Variants in NCBP3 observed in about 807,000 individuals in gnomAD.
NCBP3 encodes nuclear cap binding subunit 3.
NCBP3 carries 20 observed loss-of-function variants against 75.7 expected under a neutral mutation model. The ratio of observed to expected loss-of-function variants is 0.26; its 90% CI spans 0.19 to 0.38. The LOEUF is 0.38. NCBP3 is among the 10% of genes least tolerant of loss of function. NCBP3 has a pLI of 1.00. For missense variants in NCBP3, 678 were observed against 796.9 expected (o/e 0.85, Z 1.80); for synonymous variants, 293 against 290.5 (o/e 1.01, Z -0.09).
chr17:3,827,125 AAAAG>A (rs1042592856), intron 4 of NCBP3, among the ~76,000 whole-genome samples: 3 of 151,010 alleles, frequency 2.0e-5, no homozygotes, highest in Non-Finnish European at 4.4e-5. Context: ...AAGGGGAGGG[AAAAG>A]AAAGAAAAGG....
In NCBP3 at chr17:3,808,617, T is replaced by C. The variant is rs1318847060; in HGVS notation, c.*4427A>G. The C allele has an allele frequency of 6.6e-6, 1 of 152,148 alleles. No individual in the cohort carries two copies. Among genetic ancestry groups the C allele is most frequent in the Non-Finnish European group, 1.5e-5 (1 of 68,094 alleles). The allele number at this position is 152,148 out of a possible 1,614,324, so 9.4% of individuals were successfully genotyped here. A position where few individuals can be genotyped will look rare whatever the true frequency, so the allele number is the denominator to read the frequency against. ...GTAGGGCTAGTGAGATCAAGATACA[T>C]TTAGGGAACTGGTGAGCAGAGGGCA... On this transcript the variant is annotated 3_prime_UTR_variant, in exon 13 of 13. Coordinates refer to ENST00000389005, the MANE Select transcript of NCBP3 (RefSeq NM_001114118.3).
chr17:3,820,049 C>T (rs781145964), intron 9 of NCBP3, among the ~76,000 whole-genome samples: 1 of 152,150 alleles, frequency 6.6e-6, no homozygotes, highest in African/African-American at 2.4e-5. Flanking sequence ...ACCTTCCAGG[C>T]TCAGGCAATC....
At chr17:3,826,308 A>C in intron 4 of NCBP3, 93 bp from the exon 5 acceptor site, 4 of 1,171,890 alleles carry the variant, frequency 3.4e-6, no homozygotes, top group Non-Finnish European at 4.7e-6. Context: ...CTACAGCCTC[A>C]TCTAGCAACA....
intron 9 of NCBP3, among the ~76,000 whole-genome samples, 173 bp downstream of exon 9, chr17:3,821,076 T>C (rs537473193): frequency 6.6e-6 from 1 of 152,306 alleles, no homozygotes; most frequent in Admixed American, 6.5e-5. Flanking sequence ...TTTGACCTCT[T>C]TGGGCAACTT....
intron 11 of NCBP3, among the ~76,000 whole-genome samples, chr17:3,815,772 G>A (rs1324754255): frequency 6.6e-6 from 1 of 152,168 alleles, no homozygotes; most frequent in East Asian, 1.9e-4. Context: ...GAGAGGATGT[G>A]TGTAGGTTAT....
intron 7 of NCBP3, 158 bp from the exon 8 acceptor site, chr17:3,822,210 T>C (rs1400632382): frequency 4.9e-6 from 3 of 608,214 alleles, no homozygotes; most frequent in Non-Finnish European, 8.7e-6. Flanking sequence ...GAGTGCCCAC[T>C]ACAGCAATGC....
chr17:3,836,713 G>C (rs937209951), intron 3 of NCBP3, among the ~76,000 whole-genome samples: 1 of 150,260 alleles, frequency 6.7e-6, no homozygotes, highest in Non-Finnish European at 1.5e-5. Context: ...AGGAAACTGA[G>C]ATTTTTAGAG....
Position 3,826,208 on chromosome 17 carries a change from T to C in NCBP3, c.489A>G (p.Val163=), listed in dbSNP as rs117759016. 3.9e-6 allele frequency: 6 copies of C among 1,545,928 alleles called. No homozygotes were observed. Among genetic ancestry groups the C allele is most frequent in the Non-Finnish European group, 4.4e-6 (5 of 1,145,174 alleles). Residue 163 remains valine, a synonymous_variant, in exon 5 of 13, where the codon GTA becomes GTG. Coordinates refer to ENST00000389005, the MANE Select transcript of NCBP3 (RefSeq NM_001114118.3). The stretch of plus-strand genomic sequence containing the variant: ...TGGCTGTCATTTCATCCAGCCAAAC[T>C]ACATTACCTAAAATAAAATGTAAAA... ...IEWLDDTSCN[V]VWLDEMTATR...
rs1488460421 is a variant in NCBP3 at position 3,808,002 on chromosome 17, T to A, written c.*5042A>T. ...CAATGGTATTTGTCTGAAAAAGATT[T>A]AAAAAAAGAAAAACAAATCAGTTGT... On this transcript the variant is annotated 3_prime_UTR_variant, in exon 13 of 13. Transcript: ENST00000389005. The A allele has an allele frequency of 6.6e-6, 1 of 152,126 alleles. No homozygotes were observed. Among genetic ancestry groups the A allele is most frequent in the Non-Finnish European group, 1.5e-5 (1 of 68,038 alleles). The allele number at this position is 152,126 out of a possible 1,614,324, so 9.4% of individuals were successfully genotyped here.
intron 2 of NCBP3, among the ~76,000 whole-genome samples, chr17:3,841,845 A>C (rs1461414444): frequency 1.3e-5 from 2 of 151,486 alleles, no homozygotes; most frequent in African/African-American, 4.8e-5. Flanking sequence ...AAAAAAAAAA[A>C]AAACACTATA....
chr17:3,833,375 G>A (rs192745683), intron 3 of NCBP3, among the ~76,000 whole-genome samples: 1 of 152,310 alleles, frequency 6.6e-6, no homozygotes, highest in Non-Finnish European at 1.5e-5. Flanking sequence ...CTCCCAAAGT[G>A]TTGGATTACA....
chr17:3,819,501 A>G (rs994618146), intron 9 of NCBP3, among the ~76,000 whole-genome samples: 1 of 151,904 alleles, frequency 6.6e-6, no homozygotes, highest in Non-Finnish European at 1.5e-5. Flanking sequence ...CGGAGGTTGC[A>G]GTGAGCCGAG....
intron 1 of NCBP3, 63 bp from the exon 2 acceptor site, chr17:3,843,214 T>C: frequency 7.4e-7 from 1 of 1,352,728 alleles, no homozygotes; most frequent in East Asian, 2.5e-5. Context: ...ATAATAAAAG[T>C]CGGCCTGACA....
intron 10 of NCBP3, 24 bp from the exon 11 acceptor site, chr17:3,816,294 GCA>G: frequency 1.2e-6 from 2 of 1,602,548 alleles, no homozygotes; most frequent in Middle Eastern, 1.7e-4. Context: ...GTAGGATGGG[GCA>G]CAGTTAACCA....
chr17:3,813,391 G>C, intron 12 of NCBP3, 112 bp from the exon 13 acceptor site: 1 of 1,315,132 alleles, frequency 7.6e-7, no homozygotes, highest in Admixed American at 2.1e-5. Context: ...CCAGCAGTCT[G>C]TGGAGCCTGC....
chr17:3,829,832 A>C (rs138673913), intron 3 of NCBP3, among the ~76,000 whole-genome samples: 159 of 152,342 alleles, frequency 1.0e-3, no homozygotes, highest in African/African-American at 3.4e-3. Flanking sequence ...AAGTCAATTA[A>C]GAAGAAAAAG....
At position 3,810,478 on chromosome 17, in the gene NCBP3, A is replaced by C. The variant is rs967063501; in HGVS notation, c.*2566T>G. The C allele has an allele frequency of 6.6e-6, 1 of 152,238 alleles. No homozygotes were observed. The highest frequency in any genetic ancestry group is 1.5e-5 in the Non-Finnish European group (1 of 68,048). The allele number at this position is 152,238 out of a possible 1,614,324, so 9.4% of individuals were successfully genotyped here. On this transcript the variant is annotated 3_prime_UTR_variant, in exon 13 of 13. Transcript: ENST00000389005. Reference sequence around the variant, plus strand: ...CACATAAGACTAAGAGGAACACACAAAGTGTGCAGCCCTGTGCCCACATGT... The same window carrying C: ...CACATAAGACTAAGAGGAACACACACAGTGTGCAGCCCTGTGCCCACATGT...
In NCBP3 at chr17:3,832,421, C is replaced by CA. The variant is rs1454017752; in HGVS notation, c.356-3054dup. ...GGCCGGGGCGGGCAGATCACAAGGT[C>CA]AGATCGAGACCATCCTGGCCAACAC... On this transcript the variant is annotated intron_variant, in intron 3 of 12. Coordinates refer to ENST00000389005, the MANE Select transcript of NCBP3 (RefSeq NM_001114118.3). 5.9e-5 allele frequency among the ~76,000 whole-genome samples: 7 copies of CA among 117,944 alleles called. 2 individuals carry two copies. The highest frequency in any genetic ancestry group is 1.2e-4 in the Non-Finnish European group (6 of 49,134). The allele number at this position is 117,944 out of a possible 152,430, so 77.4% of individuals were successfully genotyped here.
At chr17:3,827,919 T>C (rs147297413) in intron 4 of NCBP3, among the ~76,000 whole-genome samples, 1 of 152,292 alleles carries the variant, frequency 6.6e-6, no homozygotes, top group East Asian at 1.9e-4. Flanking sequence ...CTTTTGTTTT[T>C]GTTTTTTCTT....
Sources: gnomAD v4.1 joint callset for allele counts (sites outside exome capture counted in the v4.1 genomes callset) on GRCh38, gnomAD v4.1.1 for gene constraint, MANE v1.5 for transcripts, NCBI Gene and HGNC (gene_info 2026-07-23, HGNC 2026-07-21) for gene names.